LRP4: variants seen among roughly 807,000 people sequenced by gnomAD.
LRP4 encodes the protein low-density lipoprotein receptor-related protein 4.
Under a neutral mutation model 220.3 loss-of-function variants are expected in LRP4, and 95 were observed. The observed-to-expected ratio is 0.43, with a 90% CI of 0.37 to 0.51. The LOEUF is 0.51. Ranked by LOEUF, LRP4 falls within the 20% of genes least tolerant of loss-of-function variation. LRP4 has a pLI of 0.00. For synonymous variants in LRP4, 903 were observed against 954.6 expected, an observed-to-expected ratio of 0.95 and a Z score of 1.00; for missense variants, 1,925 against 2,567.0, an observed-to-expected ratio of 0.75 and a Z score of 5.40.
intron 12 of LRP4, among the ~76,000 whole-genome samples, chr11:46,893,454 G>A (rs930387906): frequency 6.6e-6 from 1 of 152,214 alleles, no homozygotes; most frequent in Non-Finnish European, 1.5e-5. Flanking sequence ...CCAGGGGTTT[G>A]TAAATTGTCA....
intron 18 of LRP4, among the ~76,000 whole-genome samples, chr11:46,885,811 C>T (rs1023438809): frequency 6.7e-6 from 1 of 149,950 alleles, no homozygotes; most frequent in Non-Finnish European, 1.5e-5. Context: ...ACCCAGAAAG[C>T]GATGGAAAGA....
At chr11:46,878,825 T>C in intron 22 of LRP4, 82 bp downstream of exon 22, 1 of 1,590,906 alleles carries the variant, frequency 6.3e-7, no homozygotes. Context: ...CAGACCACAT[T>C]GGAGCCCATC....
At chr11:46,900,128 G>T in intron 3 of LRP4, 134 bp downstream of exon 3, 1 of 956,626 alleles carries the variant, frequency 1.0e-6, no homozygotes, top group Non-Finnish European at 1.7e-6. Context: ...ATCTGACTTC[G>T]AGAGGAAGTG....
At chr11:46,884,552 T>C (rs1470109337) in intron 18 of LRP4, among the ~76,000 whole-genome samples, 4 of 151,800 alleles carry the variant, frequency 2.6e-5, no homozygotes, top group Non-Finnish European at 5.9e-5. Context: ...CTGGCTAACA[T>C]GGTGAAACCC....
chr11:46,880,110 C>G (rs1039097604), intron 20 of LRP4, among the ~76,000 whole-genome samples: 1 of 151,872 alleles, frequency 6.6e-6, no homozygotes, highest in East Asian at 1.9e-4. Context: ...TGTCTCAAAA[C>G]AAAACAAACA....
chr11:46,875,136 G>C lies in LRP4; in HGVS notation c.3926-33C>G. ...TGAGAAGCACAAGTATTCACACCTA[G>C]CCTGGAACATCATCTGAATCTTACA... On this transcript the variant is annotated intron_variant, in intron 27 of 37. Transcript: ENST00000378623. The surrounding 1 kb of genome is among the most constrained non-coding windows in gnomAD (Gnocchi z 4.5). 6.3e-7 allele frequency: 1 copy of C among 1,597,914 alleles called. No homozygotes were observed. Among genetic ancestry groups the C allele is most frequent in the Non-Finnish European group, 8.5e-7 (1 of 1,171,868 alleles).
intron 19 of LRP4, among the ~76,000 whole-genome samples, chr11:46,882,738 C>T (rs1402243323): frequency 6.6e-6 from 1 of 151,984 alleles, no homozygotes; most frequent in Non-Finnish European, 1.5e-5. Context: ...TGCCTGCAGT[C>T]CCAGCTACTT....
rs573945832 is a variant in LRP4 at position 46,858,455 on chromosome 11, G to GGA, written c.*526_*527dup. The GGA allele has an allele frequency of 4.0e-3, 771 of 191,844 alleles. 23 individuals carry two copies. The highest frequency in any genetic ancestry group is 6.5e-4 in the Non-Finnish European group (59 of 90,460). 11.9% of individuals were successfully genotyped at this position (191,844 alleles called of 1,614,324 possible). Reference sequence around the variant, plus strand: ...TCATGTTACTAACACACTTGAGGCTGGAGGTTTCCCAGATGCCCATACCTG... The same window carrying GGA: ...TCATGTTACTAACACACTTGAGGCTGGAGAGGTTTCCCAGATGCCCATACCTG... On this transcript the variant is annotated 3_prime_UTR_variant, in exon 38 of 38. Coordinates refer to ENST00000378623, the MANE Select transcript of LRP4 (RefSeq NM_002334.4).
In LRP4 at chr11:46,858,820, A is replaced by G. The variant is rs557006566; in HGVS notation, c.*163T>C. 3 of 705,204 alleles carry G rather than the reference A, an allele frequency of 4.3e-6. No homozygotes were observed. The South Asian group carries it at 4.6e-5, about 11-fold the overall frequency. 43.7% of individuals were successfully genotyped at this position (705,204 alleles called of 1,614,324 possible). A position where few individuals can be genotyped will look rare whatever the true frequency, so the allele number is the denominator to read the frequency against. On this transcript the variant is annotated 3_prime_UTR_variant, in exon 38 of 38. Coordinates refer to ENST00000378623, the MANE Select transcript of LRP4 (RefSeq NM_002334.4). Reference sequence around the variant, plus strand: ...ATTTCTTGTGCACAGGTAGTTATGGACTCACGTGGTAAACAGCTCCGGTGA... The same window carrying G: ...ATTTCTTGTGCACAGGTAGTTATGGGCTCACGTGGTAAACAGCTCCGGTGA...
At chr11:46,862,152 G>C (rs947794822) in intron 37 of LRP4, among the ~76,000 whole-genome samples, 1 of 150,416 alleles carries the variant, frequency 6.6e-6, no homozygotes, top group Non-Finnish European at 1.5e-5. Flanking sequence ...GAAGAATAGT[G>C]AAAAACAAGC....
Position 46,858,151 on chromosome 11 carries a change from G to A in LRP4, c.*832C>T, listed in dbSNP as rs904379902. On this transcript the variant is annotated 3_prime_UTR_variant, in exon 38 of 38. Coordinates refer to ENST00000378623, the MANE Select transcript of LRP4 (RefSeq NM_002334.4). ...AGGCCTAACATTCACTCAAGCCACT[G>A]GCTCACAACCTGGTTAATTTGAGCA... 6.6e-6 allele frequency: 1 copy of A among 152,370 alleles called. No individual in the cohort carries two copies. The highest frequency in any genetic ancestry group is 1.5e-5 in the Non-Finnish European group (1 of 68,206). 9.4% of individuals were successfully genotyped at this position (152,370 alleles called of 1,614,324 possible).
At chr11:46,914,521 C>CA (rs1213960782) in intron 1 of LRP4, among the ~76,000 whole-genome samples, 41 of 152,306 alleles carry the variant, frequency 2.7e-4, no homozygotes, top group Middle Eastern at 6.8e-3. Context: ...CAGGCTCTGC[C>CA]AGCTAACCAG....
At chr11:46,893,171 A>G (rs1190554848) in intron 12 of LRP4, 42 bp from the exon 13 acceptor site, 2 of 1,613,024 alleles carry the variant, frequency 1.2e-6, no homozygotes, top group Non-Finnish European at 8.5e-7. Flanking sequence ...GAGTCAACCC[A>G]GGCCCCCATG....
rs1375608410 is a variant in LRP4, at chr11:46,879,178, C to T, written c.2952G>A (p.Glu984=). 1.9e-6 allele frequency: 3 copies of T among 1,614,252 alleles called. No individual in the cohort carries two copies. The highest frequency in any genetic ancestry group is 1.7e-6 in the Non-Finnish European group (2 of 1,180,052). ...LTGLDRETLQ[E]NLENLMDIHV... ...GGATGTCCATTAGGTTTTCCAGGTT[C>T]TCCTGCAGAGTCTCCCGGTCCAGCC... Residue 984 remains glutamate, a synonymous_variant, in exon 21 of 38, where the codon GAG becomes GAA. Coordinates refer to ENST00000378623, the MANE Select transcript of LRP4 (RefSeq NM_002334.4).
At chr11:46,868,309 T>C (rs1565777810) in intron 33 of LRP4, among the ~76,000 whole-genome samples, 195 bp from the exon 34 acceptor site, 1 of 152,248 alleles carries the variant, frequency 6.6e-6, no homozygotes, top group Non-Finnish European at 1.5e-5. Context: ...ATGGGACAGC[T>C]GGCTCACCAG....
intron 18 of LRP4, among the ~76,000 whole-genome samples, chr11:46,884,236 T>C (rs1941229235): frequency 6.6e-6 from 1 of 152,216 alleles, no homozygotes; most frequent in Admixed American, 6.5e-5. Flanking sequence ...TCTCAAACTT[T>C]AGTGTGCGTA....
At chr11:46,872,218 T>C (rs58389391) in intron 30 of LRP4, among the ~76,000 whole-genome samples, 20,728 of 152,242 alleles carry the variant, frequency 0.14, 2,254 homozygotes, top group East Asian at 0.53. Context: ...ATCGTGCGAC[T>C]GCACTCCAGC....
chr11:46,894,547 G>A, intron 12 of LRP4, 42 bp downstream of exon 12: 1 of 1,473,394 alleles, frequency 6.8e-7, no homozygotes, highest in Non-Finnish European at 9.3e-7. Flanking sequence ...TGCTGCGCAT[G>A]TGGCATGGCT....
intron 23 of LRP4, 99 bp downstream of exon 23, chr11:46,877,100 C>A: frequency 7.2e-7 from 1 of 1,391,862 alleles, no homozygotes; most frequent in Non-Finnish European, 1.0e-6. Flanking sequence ...AACAAACACC[C>A]TGGCTCTTGG....
Sources: gnomAD v4.1 joint callset for allele counts (sites outside exome capture counted in the v4.1 genomes callset) on GRCh38, gnomAD v4.1.1 for gene constraint, Gnocchi (gnomAD v3.1) non-coding constraint, MANE v1.5 for transcripts, NCBI Gene and HGNC (gene_info 2026-07-23, HGNC 2026-07-21) for gene names.